ABCC1: variants seen among roughly 807,000 people sequenced by gnomAD.
ABCC1 encodes ATP binding cassette subfamily C member 1 (ABCC1 blood group).
In ABCC1, 83 loss-of-function variants were observed where a neutral mutation model predicts 172.9. The ratio of observed to expected loss-of-function variants is 0.48; its 90% CI spans 0.40 to 0.58. ABCC1 has a LOEUF of 0.58. Among genes scored for constraint, ABCC1 ranks in the 20% least tolerant of loss-of-function variants. The probability of loss-of-function intolerance (pLI) is 0.00; values close to 1 mark genes in which losing one functional copy is unlikely to be tolerated. For synonymous variants in ABCC1, 937 were observed against 825.2 expected (o/e 1.14, Z -2.32); for missense variants, 1,817 against 2,002.7 (o/e 0.91, Z 1.77).
Position 16,000,929 on chromosome 16 carries a change from C to T in ABCC1, c.49-6887C>T, listed in dbSNP as rs2047286006. The stretch of plus-strand genomic sequence containing the variant: ...ATAGGAGTTTGTTAGGACAGAAAGA[C>T]ATTGCAGAGAGAGGATCTAGCAAGA... On this transcript the variant is annotated intron_variant, in intron 1 of 30. Transcript: ENST00000399410. 4.6e-5 allele frequency among the ~76,000 whole-genome samples: 7 copies of T among 152,308 alleles called. No individual in the cohort carries two copies. In the South Asian group the frequency reaches 1.4e-3, roughly 32 times the overall value.
intron 24 of ABCC1, among the ~76,000 whole-genome samples, chr16:16,124,154 C>T (rs1348148928): frequency 1.3e-5 from 2 of 152,142 alleles, no homozygotes; most frequent in South Asian, 2.1e-4. Flanking sequence ...TACGCACTCC[C>T]CTCCCAGATC....
chr16:15,956,153 C>T lies in ABCC1; in HGVS notation c.48+6354C>T, dbSNP rs930855832. Among the ~76,000 whole-genome samples the T allele has an allele frequency of 1.1e-4, 16 of 152,046 alleles. 2 individuals are homozygous for T. Among genetic ancestry groups the T allele is most frequent in the Non-Finnish European group, 4.4e-5 (3 of 68,010 alleles). ...CTTTGGGAGGCCAAGGCAGGCAGAT[C>T]ACTTGAGGTCAGGAGTTTGAGACCA... On this transcript the variant is annotated intron_variant, in intron 1 of 30. Transcript: ENST00000399410.
intron 7 of ABCC1, among the ~76,000 whole-genome samples, chr16:16,043,492 T>C (rs769951950): frequency 8.6e-5 from 13 of 151,722 alleles, no homozygotes; most frequent in Non-Finnish European, 1.3e-4. Context: ...GAGATGAGGT[T>C]TCTCCATGTT....
At chr16:16,037,036 A>T (rs980492832) in intron 7 of ABCC1, among the ~76,000 whole-genome samples, 6 of 151,760 alleles carry the variant, frequency 4.0e-5, no homozygotes, top group Non-Finnish European at 8.8e-5. Flanking sequence ...CAGGAGGCGG[A>T]GGTTGCAGTG....
chr16:15,981,352 T>C (rs215054), intron 1 of ABCC1, among the ~76,000 whole-genome samples: 126,285 of 152,182 alleles, frequency 0.83, 52,570 homozygotes, highest in Non-Finnish European at 0.86. Flanking sequence ...CTAGCAGAGG[T>C]TCTCCATGAG....
chr16:16,052,852 C>A (rs1268515821), intron 11 of ABCC1, 36 bp downstream of exon 11: 2 of 1,602,798 alleles, frequency 1.2e-6, no homozygotes, highest in Non-Finnish European at 1.7e-6. Flanking sequence ...CCAAGCCGGG[C>A]CCTAGGCAGA....
chr16:15,982,957 A>G (rs755571093), intron 1 of ABCC1, among the ~76,000 whole-genome samples: 7 of 152,158 alleles, frequency 4.6e-5, no homozygotes, highest in Non-Finnish European at 1.0e-4. Context: ...ATAACTGTAC[A>G]TGGTGTATTA....
intron 1 of ABCC1, among the ~76,000 whole-genome samples, chr16:15,980,487 C>A (rs2046597310): frequency 6.6e-6 from 1 of 152,136 alleles, no homozygotes; most frequent in African/African-American, 2.4e-5. Flanking sequence ...AACATGTCCT[C>A]CTTCACATGG....
intron 24 of ABCC1, among the ~76,000 whole-genome samples, chr16:16,124,381 G>GTGTA (rs2045331075): frequency 9.7e-6 from 1 of 103,272 alleles, no homozygotes; most frequent in Non-Finnish European, 2.2e-5. Context: ...GCCCGGCTGT[G>GTGTA]TGTGTGTGTG....
chr16:15,954,772 G>A (rs1465767276), intron 1 of ABCC1, among the ~76,000 whole-genome samples: 2 of 152,020 alleles, frequency 1.3e-5, no homozygotes. Context: ...GGGGTGCCTC[G>A]CCTTTGGGAC....
intron 15 of ABCC1, among the ~76,000 whole-genome samples, chr16:16,076,733 C>T (rs1010937334): frequency 3.3e-5 from 5 of 152,110 alleles, no homozygotes; most frequent in Non-Finnish European, 5.9e-5. Flanking sequence ...GGGACTCTGC[C>T]GTCAGAACTT....
chr16:16,008,353 A>AT (rs1193335663), intron 2 of ABCC1, among the ~76,000 whole-genome samples: 35 of 151,282 alleles, frequency 2.3e-4, no homozygotes, highest in African/African-American at 8.2e-4. Context: ...ATTTATATAG[A>AT]TTTTTTCTGG....
intron 24 of ABCC1, among the ~76,000 whole-genome samples, chr16:16,122,632 G>C (rs1003632463): frequency 6.7e-6 from 1 of 150,070 alleles, no homozygotes; most frequent in Admixed American, 6.7e-5. Flanking sequence ...TGTAATCCCA[G>C]TACTTTGGGA....
intron 20 of ABCC1, among the ~76,000 whole-genome samples, chr16:16,105,909 C>A (rs2052074063): frequency 7.2e-6 from 1 of 138,044 alleles, no homozygotes; most frequent in Admixed American, 7.8e-5. Flanking sequence ...CAGGGTCTTA[C>A]TCAGTCGCTG....
Position 16,106,777 on chromosome 16 carries a change from C to T in ABCC1, c.2775C>T (p.Ser925=). 1 of 1,614,152 alleles carries T rather than the reference C, an allele frequency of 6.2e-7. No individual in the cohort carries two copies. The highest frequency in any genetic ancestry group is 8.5e-7 in the Non-Finnish European group (1 of 1,180,044). ...SSSSSYSGDI[S]RHHNSTAELQ... is the part of the protein sequence containing the mutation. ...CCTCCTCCTATAGTGGGGACATCAG[C>T]AGGCACCACAACAGCACCGCAGAAC... The change falls in exon 21 of 31, where the codon AGC becomes AGT. Residue 925 remains serine, a synonymous_variant. Coordinates refer to ENST00000399410, the MANE Select transcript of ABCC1 (RefSeq NM_004996.4).
chr16:16,058,090 T>A (rs1312149310), intron 12 of ABCC1, among the ~76,000 whole-genome samples: 4 of 152,134 alleles, frequency 2.6e-5, no homozygotes, highest in African/African-American at 9.7e-5. Context: ...CTGGTACCTG[T>A]CCTGGGGTAT....
chr16:16,060,238 C>A (rs1245748689), intron 12 of ABCC1, among the ~76,000 whole-genome samples: 1 of 152,118 alleles, frequency 6.6e-6, no homozygotes, highest in Non-Finnish European at 1.5e-5. Context: ...GGGTTAGATT[C>A]CAAGCATGTC....
At chr16:16,141,145 C>T in intron 30 of ABCC1, 28 bp from the exon 31 acceptor site, 4 of 1,606,134 alleles carry the variant, frequency 2.5e-6, no homozygotes. Context: ...CTCCCCTTCC[C>T]CTCATGTCTG....
intron 14 of ABCC1, among the ~76,000 whole-genome samples, chr16:16,075,101 C>T (rs1429000811): frequency 1.3e-5 from 2 of 151,824 alleles, no homozygotes; most frequent in African/African-American, 4.8e-5. Context: ...TGCGCTACCA[C>T]ACCTGGCTAA....
Sources: allele counts gnomAD v4.1 joint callset (sites outside exome capture counted in the v4.1 genomes callset), GRCh38; gene constraint gnomAD v4.1.1; transcripts MANE v1.5; gene names NCBI Gene and HGNC (gene_info 2026-07-23, HGNC 2026-07-21).